Variants in NTM observed in about 807,000 individuals in gnomAD.
NTM encodes neurotrimin.
Under a neutral mutation model 42.1 loss-of-function variants are expected in NTM, and 13 were observed. The ratio of observed to expected loss-of-function variants is 0.31; its 90% CI spans 0.20 to 0.49. The LOEUF (loss-of-function observed/expected upper bound fraction) is 0.49, where lower values mean the gene tolerates loss of function less well. Among genes scored for constraint, NTM ranks in the 20% least tolerant of loss-of-function variants. NTM has a pLI of 0.99. For synonymous variants in NTM, 187 were observed against 179.2 expected (o/e 1.04, Z -0.35); for missense variants, 373 against 452.8 (o/e 0.82, Z 1.60).
At chr11:131,569,080 C>T (rs59002248) in intron 1 of NTM, among the ~76,000 whole-genome samples, 3,535 of 152,168 alleles carry the variant, frequency 0.023, 138 homozygotes, top group African/African-American at 0.08. Context: ...TGAATCCTAC[C>T]GTTGCTCCAG....
At chr11:131,735,456 G>A (rs2080291506) in intron 1 of NTM, among the ~76,000 whole-genome samples, 1 of 152,244 alleles carries the variant, frequency 6.6e-6, no homozygotes, top group African/African-American at 2.4e-5. Flanking sequence ...TTGTGGTGTA[G>A]TTAAAGTCAT....
At chr11:131,873,373 C>T (rs1171912672) in intron 1 of NTM, among the ~76,000 whole-genome samples, 1 of 142,222 alleles carries the variant, frequency 7.0e-6, no homozygotes, top group Non-Finnish European at 1.5e-5. Flanking sequence ...GGATGGGGGG[C>T]AAGGGGAGAT....
At chr11:132,195,015 G>T (rs561375923) in intron 3 of NTM, among the ~76,000 whole-genome samples, 2 of 151,658 alleles carry the variant, frequency 1.3e-5, no homozygotes, top group African/African-American at 2.4e-5. Context: ...TAGAGATGGG[G>T]TTTCACCATG....
chr11:132,078,645 C>T (rs1439024261), intron 2 of NTM, among the ~76,000 whole-genome samples: 1 of 152,212 alleles, frequency 6.6e-6, no homozygotes, highest in African/African-American at 2.4e-5. Context: ...TGTCTCTAGA[C>T]ATTTTTCTAA....
intron 1 of NTM, among the ~76,000 whole-genome samples, chr11:131,779,692 T>C (rs1287260825): frequency 6.6e-6 from 1 of 152,142 alleles, no homozygotes; most frequent in African/African-American, 2.4e-5. Context: ...GAAAAGATTC[T>C]ACTATAAGCT....
intron 4 of NTM, among the ~76,000 whole-genome samples, chr11:132,291,573 T>C (rs1452705716): frequency 6.6e-6 from 1 of 152,172 alleles, no homozygotes; most frequent in African/African-American, 2.4e-5. Context: ...GCCATAAACC[T>C]GAATGTTCAA....
At chr11:131,559,438 C>A (rs1015398822) in intron 1 of NTM, among the ~76,000 whole-genome samples, 1 of 152,102 alleles carries the variant, frequency 6.6e-6, no homozygotes, top group Non-Finnish European at 1.5e-5. Flanking sequence ...CCTTTTTTCC[C>A]ATTCACATCC....
intron 1 of NTM, among the ~76,000 whole-genome samples, chr11:131,903,108 G>C (rs1459973133): frequency 2.1e-5 from 3 of 142,900 alleles, no homozygotes; most frequent in African/African-American, 8.0e-5. Context: ...AGGAAACACA[G>C]AAAAAATCCC....
intron 2 of NTM, among the ~76,000 whole-genome samples, chr11:132,084,471 T>C (rs923578776): frequency 6.6e-6 from 1 of 152,160 alleles, no homozygotes; most frequent in Non-Finnish European, 1.5e-5. Context: ...ATAATCCTGT[T>C]CATCTCTCAT....
chr11:132,000,237 C>G lies in NTM; in HGVS notation c.167+88589C>G, dbSNP rs75137179. 8.3e-3 allele frequency among the ~76,000 whole-genome samples: 1,271 copies of G among 152,318 alleles called. 24 individuals are homozygous for G. Among genetic ancestry groups the G allele is most frequent in the African/African-American group, 0.029 (1,223 of 41,566 alleles). On this transcript the variant is annotated intron_variant, in intron 2 of 8. Coordinates refer to ENST00000683400, the MANE Select transcript of NTM (RefSeq NM_001352005.2). ...TGATTTCTAGGCTGAGCTTACTGCC[C>G]TGTTCCAATAGCCTCCTCCCAAAGA...
chr11:132,047,718 C>A (rs1297960640), intron 2 of NTM, among the ~76,000 whole-genome samples: 2 of 152,236 alleles, frequency 1.3e-5, no homozygotes, highest in African/African-American at 4.8e-5. Flanking sequence ...CCACAGGCCT[C>A]CTTCCTCTTA....
intron 1 of NTM, among the ~76,000 whole-genome samples, chr11:131,605,110 T>C (rs569870265): frequency 4.4e-4 from 67 of 151,868 alleles, no homozygotes; most frequent in South Asian, 3.9e-3. Context: ...AAAAGCCACA[T>C]TGAGATTTAG....
intron 1 of NTM, among the ~76,000 whole-genome samples, chr11:131,708,917 A>G (rs921930781): frequency 1.3e-5 from 2 of 152,340 alleles, no homozygotes; most frequent in Admixed American, 6.5e-5. Flanking sequence ...GGGGCAGATC[A>G]GGGAATGAGG....
At chr11:131,696,356 G>T (rs1451052377) in intron 1 of NTM, among the ~76,000 whole-genome samples, 12 of 152,110 alleles carry the variant, frequency 7.9e-5, no homozygotes, top group Non-Finnish European at 1.8e-4. Context: ...TTGAGTTAAG[G>T]TTGTCTGGGA....
intron 7 of NTM, among the ~76,000 whole-genome samples, chr11:132,320,859 T>TCCCTGAC (rs1329458444): frequency 1.3e-5 from 2 of 151,364 alleles, no homozygotes; most frequent in African/African-American, 2.4e-5. Flanking sequence ...CTCAAGTGGG[T>TCCCTGAC]CCCTGACCCC....
chr11:131,392,712 A>G (rs1396629290), intron 1 of NTM, among the ~76,000 whole-genome samples: 1 of 152,148 alleles, frequency 6.6e-6, no homozygotes, highest in Non-Finnish European at 1.5e-5. Flanking sequence ...TCCTTTAATG[A>G]AGAAGCTCCA....
intron 2 of NTM, among the ~76,000 whole-genome samples, chr11:131,953,749 AAG>A (rs1372649478): frequency 6.6e-6 from 1 of 152,184 alleles, no homozygotes; most frequent in Non-Finnish European, 1.5e-5. Context: ...AGAAGGAGTA[AAG>A]AGAGTGAGGG....
chr11:131,888,243 G>A (rs780453658), intron 1 of NTM, among the ~76,000 whole-genome samples: 1 of 152,128 alleles, frequency 6.6e-6, no homozygotes, highest in African/African-American at 2.4e-5. Context: ...GGAGGTTGCA[G>A]TGAGCTGAGA....
intron 1 of NTM, among the ~76,000 whole-genome samples, chr11:131,834,923 T>C (rs1432056613): frequency 1.3e-5 from 2 of 151,044 alleles, no homozygotes; most frequent in Non-Finnish European, 3.0e-5. Context: ...AGGGGTCAGG[T>C]AGCTAAAATC....
Sources: gnomAD v4.1 joint callset for allele counts (sites outside exome capture counted in the v4.1 genomes callset) on GRCh38, gnomAD v4.1.1 for gene constraint, MANE v1.5 for transcripts, NCBI Gene and HGNC (gene_info 2026-07-23, HGNC 2026-07-21) for gene names.